SNRNP48: variants seen among roughly 807,000 people sequenced by gnomAD.
The protein encoded by SNRNP48 is U11/U12 small nuclear ribonucleoprotein 48 kDa protein.
In SNRNP48, 43 loss-of-function variants were observed where a neutral mutation model predicts 47.0. The observed-to-expected ratio is 0.92, with a 90% CI of 0.72 to 1.18. The LOEUF (loss-of-function observed/expected upper bound fraction) is 1.18, where lower values mean the gene tolerates loss of function less well. Ranked by LOEUF, SNRNP48 falls within the 50% of genes most tolerant of loss-of-function variation. SNRNP48 has a pLI of 0.00. For synonymous variants in SNRNP48, 138 were observed against 144.0 expected, an observed-to-expected ratio of 0.96 and a Z score of 0.30; for missense variants, 396 against 422.2, an observed-to-expected ratio of 0.94 and a Z score of 0.54.
At position 7,606,040 on chromosome 6, in the gene SNRNP48, A is replaced by T. The variant is rs1760119258; in HGVS notation, c.816A>T (p.Glu272Asp). 1 of 1,596,340 alleles carries T rather than the reference A, an allele frequency of 6.3e-7. No individual in the cohort carries two copies. The highest frequency in any genetic ancestry group is 1.4e-5 in the African/African-American group (1 of 73,330). Residue 272 changes from glutamate (E) to aspartate (D), a missense_variant, in exon 8 of 9, where the codon GAA becomes GAT. By Grantham distance (45) the Glu-to-Asp change is conservative. Coordinates refer to ENST00000342415, the MANE Select transcript of SNRNP48 (RefSeq NM_152551.4). Reference protein sequence around the residue: ...KAEDDAEKNEERRSASVDSRQ... With the variant: ...KAEDDAEKNEDRRSASVDSRQ... ...CTTTTCTGTGTTTTAGGAATGAAGA[A>T]AGGCGATCAGCTTCAGTAGATTCAC...
Position 7,590,287 on chromosome 6 carries a change from G to A in SNRNP48, c.30G>A (p.Glu10=), listed in dbSNP as rs759463831. The change falls in exon 1 of 9, where the codon GAG becomes GAA. Residue 10 remains glutamate, a synonymous_variant. Coordinates refer to ENST00000342415, the MANE Select transcript of SNRNP48 (RefSeq NM_152551.4). MEGEPPPVE[E]RRRLQEELNE... is the part of the protein sequence containing the mutation. ...AGGGCGAGCCTCCACCTGTGGAGGA[G>A]CGGCGGCGGCTGCAGGAGGAGCTGA... The A allele has an allele frequency of 1.5e-6, 2 of 1,367,628 alleles. No individual in the cohort carries two copies. Among genetic ancestry groups the A allele is most frequent in the South Asian group, 2.1e-5 (1 of 48,326 alleles). The allele number at this position is 1,367,628 out of a possible 1,614,324, so 84.7% of individuals were successfully genotyped here.
At position 7,610,848 on chromosome 6, in the gene SNRNP48, T is replaced by C. The variant is rs1395652527; in HGVS notation, c.*1975T>C. 1 of 152,282 alleles carries C rather than the reference T, an allele frequency of 6.6e-6. No individual in the cohort carries two copies. The highest frequency in any genetic ancestry group is 1.5e-5 in the Non-Finnish European group (1 of 68,042). 9.4% of individuals were successfully genotyped at this position (152,282 alleles called of 1,614,324 possible). A position where few individuals can be genotyped will look rare whatever the true frequency, so the allele number is the denominator to read the frequency against. ...CCTGTTTGTGGTTTGAGCCTTTCAC[T>C]GGATGTGAGCTACTTGAGAGCAGGG... On this transcript the variant is annotated 3_prime_UTR_variant, in exon 9 of 9. Coordinates refer to ENST00000342415, the MANE Select transcript of SNRNP48 (RefSeq NM_152551.4).
chr6:7,606,626 C>G (rs2798168), intron 8 of SNRNP48, among the ~76,000 whole-genome samples: 44,447 of 152,048 alleles, frequency 0.29, 7,127 homozygotes, highest in Middle Eastern at 0.41. Context: ...TTTTGACAGT[C>G]AATTTTGCCT....
At chr6:7,595,222 T>C (rs968306406) in intron 4 of SNRNP48, 121 bp downstream of exon 4, 14 of 794,842 alleles carry the variant, frequency 1.8e-5, no homozygotes, top group African/African-American at 1.8e-5. Flanking sequence ...GGTAAAGTTT[T>C]ACATTTAACA....
intron 4 of SNRNP48, chr6:7,599,874 A>ATTTC: frequency 2.0e-6 from 2 of 1,023,854 alleles, no homozygotes; most frequent in Non-Finnish European, 2.4e-6. Flanking sequence ...TCATAAAGAA[A>ATTTC]TTTAAGATGA....
chr6:7,595,155 A>G lies in SNRNP48; in HGVS notation c.406+54A>G, dbSNP rs547522249. ...AAAGAATGAAATTATTATTTTTCTCATAAGCATGTTACTAATTTTCTTCAA... is the reference window on the plus strand; with the variant it reads ...AAAGAATGAAATTATTATTTTTCTCGTAAGCATGTTACTAATTTTCTTCAA... On this transcript the variant is annotated intron_variant, in intron 4 of 8. Coordinates refer to ENST00000342415, the MANE Select transcript of SNRNP48 (RefSeq NM_152551.4). 9.1e-6 allele frequency: 13 copies of G among 1,422,938 alleles called. No homozygotes were observed. In the East Asian group the frequency reaches 2.5e-4, roughly 27 times the overall value. The allele number at this position is 1,422,938 out of a possible 1,614,324, so 88.1% of individuals were successfully genotyped here.
At chr6:7,593,604 G>A (rs2113713705) in intron 1 of SNRNP48, 130 bp from the exon 2 acceptor site, 4 of 483,602 alleles carry the variant, frequency 8.3e-6, no homozygotes, top group East Asian at 6.8e-5. Flanking sequence ...CTACATGGGG[G>A]TTGAGAGAGG....
In SNRNP48 at chr6:7,598,903, C is replaced by G. The variant is rs556001204; in HGVS notation, c.407-2433C>G. Among the ~76,000 whole-genome samples, 16 of 152,306 alleles carry G rather than the reference C, an allele frequency of 1.1e-4. No homozygotes were observed. The East Asian group carries it at 3.1e-3, about 29-fold the overall frequency. On this transcript the variant is annotated intron_variant, in intron 4 of 8. Transcript: ENST00000342415. Reference sequence around the variant, plus strand: ...AATTTTTTAACCAAGATATTTCAATCATAAACAATCATTTTATGTTTAGTG... The same window carrying G: ...AATTTTTTAACCAAGATATTTCAATGATAAACAATCATTTTATGTTTAGTG...
rs1760106998 is a variant in SNRNP48, at chr6:7,605,388, C to T, written c.718-10C>T. On this transcript the variant is annotated splice_polypyrimidine_tract_variant and intron_variant, in intron 6 of 8. Transcript: ENST00000342415. ...TTCTTACCTGAAGTTCGGTGCTTAC[C>T]TCTCCCAAGGTGATTCGAGATGTGA... The T allele has an allele frequency of 1.9e-6, 3 of 1,612,098 alleles. No homozygotes were observed. Among genetic ancestry groups the T allele is most frequent in the Non-Finnish European group, 2.5e-6 (3 of 1,178,736 alleles).
At position 7,609,596 on chromosome 6, in the gene SNRNP48, G is replaced by C. The variant is rs1217396030; in HGVS notation, c.*723G>C. 6.6e-6 allele frequency: 1 copy of C among 152,082 alleles called. No individual in the cohort carries two copies. 9.4% of individuals were successfully genotyped at this position (152,082 alleles called of 1,614,324 possible). A position where few individuals can be genotyped will look rare whatever the true frequency, so the allele number is the denominator to read the frequency against. On this transcript the variant is annotated 3_prime_UTR_variant, in exon 9 of 9. Coordinates refer to ENST00000342415, the MANE Select transcript of SNRNP48 (RefSeq NM_152551.4). Reference sequence around the variant, plus strand: ...AGGAATCCATACCAAAGTTCTAACAGCGAGTAGGAGGTATAGATGAGAGAT... The same window carrying C: ...AGGAATCCATACCAAAGTTCTAACACCGAGTAGGAGGTATAGATGAGAGAT...
intron 6 of SNRNP48, among the ~76,000 whole-genome samples, chr6:7,604,089 C>CT (rs34796940): frequency 0.71 from 107,423 of 152,094 alleles, 38,564 homozygotes; most frequent in African/African-American, 0.85. Context: ...GGAATGTCTG[C>CT]TATTGACTCT....
At chr6:7,601,312 C>T (rs1760014859) in intron 4 of SNRNP48, 24 bp from the exon 5 acceptor site, 1 of 1,530,958 alleles carries the variant, frequency 6.5e-7, no homozygotes, top group Non-Finnish European at 8.8e-7. Context: ...ATTGTTTATT[C>T]TTGTGATTTT....
chr6:7,590,327 A>G lies in SNRNP48; in HGVS notation c.70A>G (p.Ser24Gly), dbSNP rs778391700. 1.4e-6 allele frequency: 2 copies of G among 1,406,914 alleles called. No individual in the cohort carries two copies. Among genetic ancestry groups the G allele is most frequent in the East Asian group, 2.8e-5 (1 of 36,206 alleles). 87.2% of individuals were successfully genotyped at this position (1,406,914 alleles called of 1,614,324 possible). A position where few individuals can be genotyped will look rare whatever the true frequency, so the allele number is the denominator to read the frequency against. Residue 24 changes from serine to glycine, a missense_variant, in exon 1 of 9, where the codon AGC (serine) becomes GGC (glycine). Ser to Gly is a moderately conservative substitution (Grantham distance 56, BLOSUM62 0). Transcript: ENST00000342415. ...LQEELNEFVE[S>G]GCRTLEEVTA... ...GGAGGAGCTGAACGAGTTCGTGGAG[A>G]GCGGCTGCCGGACGTTGGAGGAGGT...
chr6:7,590,574 C>T (rs2744386), intron 1 of SNRNP48, among the ~76,000 whole-genome samples, 161 bp downstream of exon 1: 44,696 of 152,046 alleles, frequency 0.29, 7,273 homozygotes, highest in Middle Eastern at 0.4. Flanking sequence ...CGCCGGGGGC[C>T]CTGGAGCAAC....
intron 4 of SNRNP48, chr6:7,600,490 GAATT>G (rs1216379445): frequency 6.6e-6 from 1 of 152,270 alleles, no homozygotes; most frequent in African/African-American, 2.4e-5. Flanking sequence ...AGTCTAGAAA[GAATT>G]GTTTTAAATT....
In SNRNP48 at chr6:7,608,726, T is replaced by C. The variant is rs936105518; in HGVS notation, c.972-99T>C. ...CAAATAGAATGTTAAAGTAGCATAT[T>C]ACTGTTGAAAGTGGTGTATTACTGT... On this transcript the variant is annotated intron_variant, in intron 8 of 8. Coordinates refer to ENST00000342415, the MANE Select transcript of SNRNP48 (RefSeq NM_152551.4). 4.9e-5 allele frequency: 26 copies of C among 535,528 alleles called. No individual in the cohort carries two copies. The African/African-American group carries it at 5.0e-4, about 10-fold the overall frequency. 33.2% of individuals were successfully genotyped at this position (535,528 alleles called of 1,614,324 possible).
At position 7,610,591 on chromosome 6, in the gene SNRNP48, T is replaced by C. The variant is rs1760215720; in HGVS notation, c.*1718T>C. The C allele has an allele frequency of 1.3e-5, 2 of 152,310 alleles. No individual in the cohort carries two copies. The highest frequency in any genetic ancestry group is 6.5e-5 in the Admixed American group (1 of 15,298). The allele number at this position is 152,310 out of a possible 1,614,324, so 9.4% of individuals were successfully genotyped here. ...TAACTGGAAGGAAGAAGAGTAAAATTGGCATATTTAGGTTTTTTGTAGAAG... is the reference window on the plus strand; with the variant it reads ...TAACTGGAAGGAAGAAGAGTAAAATCGGCATATTTAGGTTTTTTGTAGAAG... On this transcript the variant is annotated 3_prime_UTR_variant, in exon 9 of 9. Transcript: ENST00000342415.
intron 6 of SNRNP48, among the ~76,000 whole-genome samples, 191 bp downstream of exon 6, chr6:7,602,935 T>C (rs1445080625): frequency 6.6e-6 from 1 of 152,210 alleles, no homozygotes; most frequent in Non-Finnish European, 1.5e-5. Context: ...ATAAGAACCT[T>C]ATATAAAACA....
intron 4 of SNRNP48, chr6:7,600,341 T>G (rs1288496985): frequency 3.4e-6 from 1 of 298,144 alleles, no homozygotes; most frequent in Non-Finnish European, 5.0e-6. Flanking sequence ...AGGTTAGACT[T>G]TATCAAATAT....
Sources: allele counts gnomAD v4.1 joint callset (sites outside exome capture counted in the v4.1 genomes callset), GRCh38; gene constraint gnomAD v4.1.1; transcripts MANE v1.5; gene names NCBI Gene and HGNC (gene_info 2026-07-23, HGNC 2026-07-21).